ZNF254: variants seen among roughly 807,000 people sequenced by gnomAD.
ZNF254 encodes CTD-2017D11.1.
In ZNF254, 10 loss-of-function variants were observed where a neutral mutation model predicts 12.4. That is an observed-to-expected ratio of 0.80 (90% CI 0.50 to 1.36). ZNF254 has a LOEUF of 1.36. Ranked by LOEUF, ZNF254 falls within the 40% of genes most tolerant of loss-of-function variation. ZNF254 has a pLI of 0.00. For missense variants in ZNF254, 996 were observed against 763.9 expected, an observed-to-expected ratio of 1.30 and a Z score of -3.58; for synonymous variants, 305 against 253.4, an observed-to-expected ratio of 1.20 and a Z score of -1.93.
At chr19:24,121,791 A>G (rs1974501557) in intron 3 of ZNF254, among the ~76,000 whole-genome samples, 1 of 151,988 alleles carries the variant, frequency 6.6e-6, no homozygotes, top group Non-Finnish European at 1.5e-5. Flanking sequence ...TCCTGACCTC[A>G]TGATCCACCC....
chr19:24,094,759 G>T (rs1046268446), intron 1 of ZNF254, among the ~76,000 whole-genome samples: 1 of 151,378 alleles, frequency 6.6e-6, no homozygotes, highest in Non-Finnish European at 1.5e-5. Context: ...CAATCTCGGC[G>T]CTCTGCAGCC....
chr19:24,125,901 A>G (rs1347069861), intron 3 of ZNF254, among the ~76,000 whole-genome samples: 1 of 152,242 alleles, frequency 6.6e-6, no homozygotes, highest in African/African-American at 2.4e-5. Flanking sequence ...CTTTCTTTTA[A>G]AACAGAAACC....
upstream of ZNF254, among the ~76,000 whole-genome samples, chr19:24,084,309 AAAAC>A (rs1404472621): frequency 6.6e-6 from 1 of 151,734 alleles, no homozygotes; most frequent in Non-Finnish European, 1.5e-5. Flanking sequence ...AAAAATGAAA[AAAAC>A]AAATATTGTA....
At position 24,102,233 on chromosome 19, in the gene ZNF254, T is replaced by G. The variant is rs1024799857; in HGVS notation, c.31-3707T>G. 7.9e-5 allele frequency among the ~76,000 whole-genome samples: 12 copies of G among 151,328 alleles called. No homozygotes were observed. The South Asian group carries it at 1.0e-3, about 13-fold the overall frequency. ...ATATATTAATAAACAAAATTTGTTT[T>G]TTTTTTTTTTTGCCTTGCTAAGTAA... On this transcript the variant is annotated intron_variant, in intron 1 of 3. Coordinates refer to ENST00000357002, the MANE Select transcript of ZNF254 (RefSeq NM_203282.4).
At chr19:24,077,816 G>A (rs940262629) in intron 2 of ZNF254, among the ~76,000 whole-genome samples, 17 of 152,174 alleles carry the variant, frequency 1.1e-4, no homozygotes, top group African/African-American at 4.1e-4. Flanking sequence ...GTGGGGAAAG[G>A]AGGTGACAGG....
intron 3 of ZNF254, among the ~76,000 whole-genome samples, chr19:24,112,321 G>A (rs1213062668): frequency 2.3e-4 from 31 of 136,680 alleles, no homozygotes; most frequent in Middle Eastern, 3.6e-3. Flanking sequence ...CTCTGTTTTC[G>A]TACCAGTACC....
intron 1 of ZNF254, among the ~76,000 whole-genome samples, chr19:24,095,025 T>A (rs1026856498): frequency 6.6e-6 from 1 of 152,186 alleles, no homozygotes; most frequent in African/African-American, 2.4e-5. Context: ...TGGCTGATGG[T>A]TTGTCATATA....
rs1971663187 is a variant in ZNF254 at position 24,076,449 on chromosome 19, G to A, written c.-93-29491G>A. On this transcript the variant is annotated intron_variant, in intron 2 of 4. Transcript: ENST00000613065. ...TATTCTGGCTGCACCCAGCTTACAG[G>A]AAGATTATGACATTTTGCTAAGTAA... is the stretch of plus-strand genomic sequence containing the variant. Among the ~76,000 whole-genome samples the A allele has an allele frequency of 7.2e-5, 11 of 152,226 alleles. 1 individual carries two copies. The South Asian group carries it at 2.3e-3, about 32-fold the overall frequency.
rs1045862668 is a variant in ZNF254, at chr19:24,112,688, A to G, written c.253+6045A>G. On this transcript the variant is annotated intron_variant, in intron 3 of 3. Coordinates refer to ENST00000357002, the MANE Select transcript of ZNF254 (RefSeq NM_203282.4). The stretch of plus-strand genomic sequence containing the variant: ...CACATCCCTTGTAAGTTGGATTCCT[A>G]GGTATTTTATTCTCTTTGAAGCAAT... 3.9e-5 allele frequency among the ~76,000 whole-genome samples: 6 copies of G among 152,206 alleles called. No individual in the cohort carries two copies. The East Asian group carries it at 7.7e-4, about 20-fold the overall frequency.
chr19:24,039,434 A>AT (rs939401166), intron 1 of ZNF254, among the ~76,000 whole-genome samples: 2 of 151,958 alleles, frequency 1.3e-5, no homozygotes, highest in African/African-American at 4.8e-5. Flanking sequence ...TTATTTGTTT[A>AT]TTTTTTTATG....
chr19:24,092,831 T>G (rs1279719724), intron 1 of ZNF254, among the ~76,000 whole-genome samples: 1 of 152,278 alleles, frequency 6.6e-6, no homozygotes, highest in Admixed American at 6.5e-5. Flanking sequence ...TACCCAATTA[T>G]TAGGTTGCTT....
chr19:24,082,292 T>C (rs1433202610), upstream of ZNF254, among the ~76,000 whole-genome samples: 1 of 150,684 alleles, frequency 6.6e-6, no homozygotes, highest in Non-Finnish European at 1.5e-5. Flanking sequence ...TATTCAAAAT[T>C]ATTTTATTTA....
At chr19:24,120,366 T>C (rs925452414) in intron 3 of ZNF254, among the ~76,000 whole-genome samples, 8 of 152,120 alleles carry the variant, frequency 5.3e-5, no homozygotes, top group African/African-American at 1.9e-4. Context: ...AACTTAAAAA[T>C]ATATTTTAAT....
chr19:24,088,562 C>T (rs1276918267), intron 1 of ZNF254, among the ~76,000 whole-genome samples: 1 of 152,128 alleles, frequency 6.6e-6, no homozygotes, highest in African/African-American at 2.4e-5. Flanking sequence ...CTGACATTCC[C>T]AAATGCCAAT....
intron 1 of ZNF254, among the ~76,000 whole-genome samples, chr19:24,095,960 ATCTT>A (rs1892215968): frequency 1.3e-5 from 2 of 151,646 alleles, no homozygotes; most frequent in Admixed American, 6.6e-5. Flanking sequence ...TAAAATGAAG[ATCTT>A]TCTAACTTTT....
chr19:24,107,412 C>T (rs2098334355), intron 3 of ZNF254: 1 of 397,756 alleles, frequency 2.5e-6, no homozygotes, highest in South Asian at 9.2e-5. Flanking sequence ...TTTATGAGCT[C>T]CTTGTTTAAA....
Position 24,129,868 on chromosome 19 carries a change from A to AT in ZNF254, c.*1889dup, listed in dbSNP as rs1178116009. 2.6e-5 allele frequency: 4 copies of AT among 152,014 alleles called. No individual in the cohort carries two copies. The highest frequency in any genetic ancestry group is 9.7e-5 in the African/African-American group (4 of 41,436). 9.4% of individuals were successfully genotyped at this position (152,014 alleles called of 1,614,324 possible). ...AAAATTTTAATATATTTTTCTTTGA[A>AT]TATGTGACCTTTGCCTGCAAGCACA... On this transcript the variant is annotated 3_prime_UTR_variant, in exon 4 of 4. Coordinates refer to ENST00000357002, the MANE Select transcript of ZNF254 (RefSeq NM_203282.4).
At chr19:24,072,119 T>G (rs1458369596) in intron 2 of ZNF254, among the ~76,000 whole-genome samples, 1 of 151,934 alleles carries the variant, frequency 6.6e-6, no homozygotes, top group Non-Finnish European at 1.5e-5. Context: ...GATTGTGACA[T>G]ATCACTGGAC....
chr19:24,044,155 G>T (rs1282797442), intron 1 of ZNF254, among the ~76,000 whole-genome samples: 3 of 151,380 alleles, frequency 2.0e-5, no homozygotes, highest in Non-Finnish European at 4.4e-5. Flanking sequence ...CAGGAGAATT[G>T]CTTGAACCCG....
Sources: gnomAD v4.1 joint callset for allele counts (sites outside exome capture counted in the v4.1 genomes callset) on GRCh38, gnomAD v4.1.1 for gene constraint, MANE v1.5 for transcripts, NCBI Gene and HGNC (gene_info 2026-07-23, HGNC 2026-07-21) for gene names.